SCAPER: variants seen among roughly 807,000 people sequenced by gnomAD.
SCAPER encodes S phase cyclin A-associated protein in the endoplasmic reticulum.
SCAPER carries 98 observed loss-of-function variants against 182.2 expected under a neutral mutation model. The ratio of observed to expected loss-of-function variants is 0.54; its 90% CI spans 0.46 to 0.64. SCAPER has a LOEUF of 0.64. SCAPER is among the 30% of genes least tolerant of loss of function. SCAPER has a pLI of 0.00. For synonymous variants in SCAPER, 605 were observed against 564.6 expected (o/e 1.07, Z -1.01); for missense variants, 1,432 against 1,690.0 (o/e 0.85, Z 2.68).
intron 21 of SCAPER, among the ~76,000 whole-genome samples, chr15:76,628,958 T>C (rs2052835654): frequency 6.6e-6 from 1 of 152,212 alleles, no homozygotes; most frequent in Non-Finnish European, 1.5e-5. Flanking sequence ...TGGGCAGTGG[T>C]TTGTAATTCT....
rs1436838424 is a variant in SCAPER, at chr15:76,665,628, T to C, written c.2645+25A>G. ...AGATACATCACTAAAAGTTTTTCTT[T>C]TGCTTTTAAGGGTATTTAAGGTACC... On this transcript the variant is annotated intron_variant, in intron 21 of 31. Transcript: ENST00000563290. 11 of 1,558,802 alleles carry C rather than the reference T, an allele frequency of 7.1e-6. No individual in the cohort carries two copies. In the African/African-American group the frequency reaches 1.4e-4, roughly 20 times the overall value.
At chr15:76,756,144 T>C (rs1030255489) in intron 14 of SCAPER, among the ~76,000 whole-genome samples, 3 of 146,612 alleles carry the variant, frequency 2.0e-5, no homozygotes, top group African/African-American at 5.1e-5. Flanking sequence ...CTCAAGAGGC[T>C]GAGGCAGGAG....
At chr15:76,754,481 C>A (rs1056455707) in intron 14 of SCAPER, among the ~76,000 whole-genome samples, 1 of 151,940 alleles carries the variant, frequency 6.6e-6, no homozygotes, top group African/African-American at 2.4e-5. Context: ...TCTGAAGGAA[C>A]AGAGAGGGTT....
chr15:76,832,807 C>T (rs2068614868), intron 5 of SCAPER, among the ~76,000 whole-genome samples: 1 of 152,192 alleles, frequency 6.6e-6, no homozygotes, highest in South Asian at 2.1e-4. Flanking sequence ...TCCCGTTTTG[C>T]CTTCTGCCAT....
chr15:76,852,283 G>A (rs1350818249), intron 4 of SCAPER, among the ~76,000 whole-genome samples: 1 of 152,128 alleles, frequency 6.6e-6, no homozygotes, highest in Admixed American at 6.6e-5. Flanking sequence ...AGATCGTCAA[G>A]ACAGAAAATT....
intron 5 of SCAPER, among the ~76,000 whole-genome samples, chr15:76,822,377 A>C (rs1233293473): frequency 2.0e-5 from 3 of 152,252 alleles, no homozygotes; most frequent in Non-Finnish European, 2.9e-5. Context: ...ATGTTTAAAA[A>C]AGTAAATGTT....
chr15:76,546,927 C>T (rs941393062), intron 23 of SCAPER, among the ~76,000 whole-genome samples: 1 of 152,058 alleles, frequency 6.6e-6, no homozygotes, highest in Non-Finnish European at 1.5e-5. Flanking sequence ...ACAAACTTAT[C>T]CCCTTCCTTT....
intron 20 of SCAPER, among the ~76,000 whole-genome samples, chr15:76,700,946 A>G (rs1380314848): frequency 2.6e-5 from 4 of 152,202 alleles, no homozygotes; most frequent in African/African-American, 7.2e-5. Flanking sequence ...TTTTGGGGAC[A>G]TAAGTAGGAG....
chr15:76,504,746 G>A, intron 24 of SCAPER, 113 bp downstream of exon 24: 1 of 772,734 alleles, frequency 1.3e-6, no homozygotes, highest in Non-Finnish European at 2.0e-6. Flanking sequence ...TAAGATTTTG[G>A]TATTCAACCC....
At chr15:76,390,438 C>T (rs140404542) in intron 27 of SCAPER, among the ~76,000 whole-genome samples, 1 of 152,194 alleles carries the variant, frequency 6.6e-6, no homozygotes, top group African/African-American at 2.4e-5. Flanking sequence ...AAACTCTGGA[C>T]CCTGGCAAAG....
intron 2 of SCAPER, among the ~76,000 whole-genome samples, chr15:76,866,602 T>C (rs1288310514): frequency 6.6e-6 from 1 of 152,202 alleles, no homozygotes; most frequent in Non-Finnish European, 1.5e-5. Flanking sequence ...CAAGATCTGA[T>C]TGAAAATCAT....
intron 7 of SCAPER, among the ~76,000 whole-genome samples, chr15:76,799,605 G>T (rs2065604537): frequency 6.6e-6 from 1 of 152,018 alleles, no homozygotes; most frequent in South Asian, 2.1e-4. Flanking sequence ...AGGTCCCTTG[G>T]TAAACCCAGC....
intron 21 of SCAPER, among the ~76,000 whole-genome samples, chr15:76,630,774 G>GTTT (rs1183129701): frequency 6.6e-6 from 1 of 152,186 alleles, no homozygotes. Flanking sequence ...ATATTCTGTT[G>GTTT]TTTTGGGGTA....
chr15:76,631,357 A>C (rs1000757390), intron 21 of SCAPER, among the ~76,000 whole-genome samples: 3 of 152,026 alleles, frequency 2.0e-5, no homozygotes, highest in Non-Finnish European at 4.4e-5. Flanking sequence ...TATTTTGCAG[A>C]CTTCTTTATG....
chr15:76,515,930 T>C (rs749975777), intron 23 of SCAPER, among the ~76,000 whole-genome samples: 16 of 152,140 alleles, frequency 1.1e-4, no homozygotes, highest in Non-Finnish European at 2.1e-4. Flanking sequence ...CCCACAGCCT[T>C]GGAAAAGTCA....
intron 24 of SCAPER, among the ~76,000 whole-genome samples, chr15:76,480,861 G>C (rs1417978198): frequency 6.6e-6 from 1 of 152,022 alleles, no homozygotes; most frequent in Non-Finnish European, 1.5e-5. Context: ...CTCCCTAGTA[G>C]CTGGGACGAC....
intron 8 of SCAPER, among the ~76,000 whole-genome samples, chr15:76,782,521 C>G (rs996812881): frequency 3.3e-5 from 5 of 152,228 alleles, no homozygotes; most frequent in African/African-American, 1.2e-4. Flanking sequence ...CAGCTCTGCA[C>G]CAAGCCGACC....
chr15:76,618,541 ATT>A (rs1444843846), intron 22 of SCAPER, among the ~76,000 whole-genome samples: 1 of 152,184 alleles, frequency 6.6e-6, no homozygotes, highest in East Asian at 1.9e-4. Context: ...CAAGAGTATG[ATT>A]TGTCTTTCCA....
intron 27 of SCAPER, among the ~76,000 whole-genome samples, chr15:76,384,662 G>A (rs1173727586): frequency 1.3e-5 from 2 of 152,178 alleles, no homozygotes; most frequent in African/African-American, 4.8e-5. Context: ...GCATAAGATA[G>A]TGCTTCATGG....
Sources: allele counts gnomAD v4.1 joint callset (sites outside exome capture counted in the v4.1 genomes callset), GRCh38; gene constraint gnomAD v4.1.1; transcripts MANE v1.5; gene names NCBI Gene and HGNC (gene_info 2026-07-23, HGNC 2026-07-21).